DNAJC3: variants seen among roughly 807,000 people sequenced by gnomAD.
DNAJC3 encodes dnaJ homolog subfamily C member 3.
A neutral mutation model predicts 68.6 loss-of-function variants in DNAJC3; 38 were observed. The observed-to-expected ratio is 0.55, with a 90% CI of 0.43 to 0.73. DNAJC3 has a LOEUF of 0.73. Ranked by LOEUF, DNAJC3 falls within the 30% of genes least tolerant of loss-of-function variation. The pLI, the probability that DNAJC3 is intolerant of heterozygous loss-of-function variation, is 0.00. For synonymous variants in DNAJC3, 203 were observed against 204.0 expected (o/e 1.00, Z 0.04); for missense variants, 526 against 591.9 (o/e 0.89, Z 1.16).
At chr13:95,758,313 G>C (rs1882725222) in intron 5 of DNAJC3, among the ~76,000 whole-genome samples, 1 of 151,884 alleles carries the variant, frequency 6.6e-6, no homozygotes, top group Non-Finnish European at 1.5e-5. Context: ...CCCCAGCCTG[G>C]GCGACAGAAT....
chr13:95,773,123 T>C (rs1261565388), intron 9 of DNAJC3, among the ~76,000 whole-genome samples: 3 of 151,750 alleles, frequency 2.0e-5, no homozygotes, highest in Admixed American at 6.6e-5. Context: ...TTTTTTTTTT[T>C]TTTGGTAGGA....
In DNAJC3 at chr13:95,725,178, G is replaced by A; in HGVS notation, c.319G>A (p.Ala107Thr). The A allele has an allele frequency of 1.3e-6, 2 of 1,549,816 alleles. No homozygotes were observed. The highest frequency in any genetic ancestry group is 1.3e-5 in the South Asian group (1 of 79,020). ...AATCCTCTGCCCCCTTTTTTTCTAG[G>A]CAAGATTACAGAGAGGTCACTTATT... ...VIQLKMDFTA[A>T]RLQRGHLLLK... The change falls in exon 4 of 12, where the codon GCA becomes ACA. Residue 107 changes from alanine to threonine, a missense_variant and splice_region_variant. By Grantham distance (58) the Ala-to-Thr change is moderately conservative. Coordinates refer to ENST00000602402, the MANE Select transcript of DNAJC3 (RefSeq NM_006260.5).
At chr13:95,781,106 G>C (rs1240932848) in intron 9 of DNAJC3, among the ~76,000 whole-genome samples, 2 of 152,044 alleles carry the variant, frequency 1.3e-5, no homozygotes, top group East Asian at 3.9e-4. Context: ...TCATTTTACT[G>C]ATCGGGGGTC....
intron 4 of DNAJC3, among the ~76,000 whole-genome samples, chr13:95,750,932 T>C (rs1019652056): frequency 4.6e-5 from 7 of 152,118 alleles, no homozygotes; most frequent in African/African-American, 1.7e-4. Context: ...CTGTAGTAAG[T>C]ATACAAAATA....
chr13:95,751,690 T>TA (rs1392687907), intron 4 of DNAJC3, among the ~76,000 whole-genome samples: 5 of 152,212 alleles, frequency 3.3e-5, no homozygotes, highest in African/African-American at 1.2e-4. Context: ...TTTTATGTGT[T>TA]ACAATTAGGA....
intron 4 of DNAJC3, among the ~76,000 whole-genome samples, chr13:95,732,924 T>C (rs932028997): frequency 1.3e-5 from 2 of 152,156 alleles, no homozygotes; most frequent in African/African-American, 4.8e-5. Context: ...TGACAGAGTT[T>C]TCATGTATTT....
At chr13:95,722,781 C>T (rs1167567657) in intron 2 of DNAJC3, among the ~76,000 whole-genome samples, 2 of 123,098 alleles carry the variant, frequency 1.6e-5, no homozygotes, top group Admixed American at 1.9e-4. Context: ...GATCATGCCA[C>T]TGCGCTCCAA....
rs1883592871 is a variant in DNAJC3, at chr13:95,786,048, T to C, written c.1185T>C (p.Tyr395=). The change falls in exon 10 of 12, where the codon TAT becomes TAC. Residue 395 remains tyrosine (Y), a synonymous_variant. Transcript: ENST00000602402. ...TGAAACAGTCGCAGAAACGAGATTA[T>C]TATAAAATCTTGGGAGTAAAAAGGT... ...RLLKQSQKRD[Y]YKILGVKRNA... 1 of 1,606,708 alleles carries C rather than the reference T, an allele frequency of 6.2e-7. No individual in the cohort carries two copies.
intron 5 of DNAJC3, 125 bp downstream of exon 5, chr13:95,757,921 T>C (rs1882712253): frequency 1.7e-5 from 18 of 1,086,774 alleles, no homozygotes; most frequent in Non-Finnish European, 2.2e-5. Flanking sequence ...CTTGGGCTTT[T>C]GCCTCTTAAG....
chr13:95,733,668 G>C (rs1881788833), intron 4 of DNAJC3, among the ~76,000 whole-genome samples: 1 of 149,644 alleles, frequency 6.7e-6, no homozygotes, highest in Admixed American at 6.6e-5. Flanking sequence ...GCAAAGTGCT[G>C]GGATTACATG....
intron 9 of DNAJC3, 86 bp downstream of exon 9, chr13:95,764,039 T>C: frequency 6.5e-7 from 1 of 1,537,082 alleles, no homozygotes; most frequent in Non-Finnish European, 8.7e-7. Context: ...TTAAAACAAA[T>C]TTACCAGAGT....
At chr13:95,733,699 CTGTCTTT>C (rs1239027517) in intron 4 of DNAJC3, among the ~76,000 whole-genome samples, 2 of 140,444 alleles carry the variant, frequency 1.4e-5, no homozygotes, top group African/African-American at 5.4e-5. Context: ...TGTGCCTGGC[CTGTCTTT>C]TTTTTTTTTT....
intron 9 of DNAJC3, among the ~76,000 whole-genome samples, chr13:95,766,127 T>C (rs1025456960): frequency 6.6e-5 from 10 of 152,226 alleles, no homozygotes; most frequent in Non-Finnish European, 1.5e-4. Context: ...GTTAGAAATA[T>C]GCTTTCCATA....
rs187062100 is a variant in DNAJC3, at chr13:95,779,200, A to G, written c.1076-6739A>G. 3.2e-3 allele frequency among the ~76,000 whole-genome samples: 455 copies of G among 143,482 alleles called. 5 individuals are homozygous for G. Among genetic ancestry groups the G allele is most frequent in the African/African-American group, 0.011 (422 of 37,590 alleles). 94.1% of individuals were successfully genotyped at this position (143,482 alleles called of 152,430 possible). ...AGTGCAGTGGCATGATTTCAGCTCAATGCAAGCTCCGCCTCCCGGGTTCAC... is the reference window on the plus strand; with the variant it reads ...AGTGCAGTGGCATGATTTCAGCTCAGTGCAAGCTCCGCCTCCCGGGTTCAC... On this transcript the variant is annotated intron_variant, in intron 9 of 11. Coordinates refer to ENST00000602402, the MANE Select transcript of DNAJC3 (RefSeq NM_006260.5).
At chr13:95,760,889 A>C in intron 7 of DNAJC3, 91 bp downstream of exon 7, 1 of 1,493,514 alleles carries the variant, frequency 6.7e-7, no homozygotes, top group Non-Finnish European at 8.9e-7. Context: ...TTTACTTCTC[A>C]GCCATTGAGG....
chr13:95,689,500 G>T (rs955973445), intron 1 of DNAJC3, among the ~76,000 whole-genome samples: 18 of 151,478 alleles, frequency 1.2e-4, no homozygotes, highest in African/African-American at 3.6e-4. Flanking sequence ...TTCTTGGTTA[G>T]TCTAGCTAGT....
intron 9 of DNAJC3, among the ~76,000 whole-genome samples, chr13:95,776,167 C>CT (rs1364247398): frequency 6.6e-6 from 1 of 151,890 alleles, no homozygotes; most frequent in Non-Finnish European, 1.5e-5. Context: ...TTCTTGGATT[C>CT]TTTTTTTATT....
chr13:95,722,814 C>G (rs1426547912), intron 2 of DNAJC3, among the ~76,000 whole-genome samples: 2 of 12,350 alleles, frequency 1.6e-4, no homozygotes, highest in African/African-American at 7.3e-4. Context: ...ACACCTTGTC[C>G]GCCCCCCCCC....
intron 9 of DNAJC3, among the ~76,000 whole-genome samples, chr13:95,775,867 G>A (rs962644796): frequency 1.6e-4 from 25 of 152,196 alleles, no homozygotes; most frequent in South Asian, 1.0e-3. Context: ...GCGTCACCCC[G>A]AGTTAGAGTT....
Sources: allele counts gnomAD v4.1 joint callset (sites outside exome capture counted in the v4.1 genomes callset), GRCh38; gene constraint gnomAD v4.1.1; transcripts MANE v1.5; gene names NCBI Gene and HGNC (gene_info 2026-07-23, HGNC 2026-07-21).